The following TNRC6B variants were observed in gnomAD, a reference collection of about 807,000 sequenced individuals.
TNRC6B encodes the protein trinucleotide repeat-containing gene 6B protein.
In TNRC6B, 52 loss-of-function variants were observed where a neutral mutation model predicts 203.6. The ratio of observed to expected loss-of-function variants is 0.26; its 90% CI spans 0.20 to 0.32. The LOEUF (loss-of-function observed/expected upper bound fraction) is 0.32, where lower values mean the gene tolerates loss of function less well. Among genes scored for constraint, TNRC6B ranks in the 10% least tolerant of loss-of-function variants. The probability of loss-of-function intolerance (pLI) is 1.00; values close to 1 mark genes in which losing one functional copy is unlikely to be tolerated. For synonymous variants in TNRC6B, 838 were observed against 845.7 expected, an observed-to-expected ratio of 0.99 and a Z score of 0.16; for missense variants, 1,923 against 2,286.2, an observed-to-expected ratio of 0.84 and a Z score of 3.24.
chr22:40,125,421 C>T (rs1446463316), intron 2 of TNRC6B, among the ~76,000 whole-genome samples: 3 of 152,202 alleles, frequency 2.0e-5, no homozygotes, highest in South Asian at 4.1e-4. Flanking sequence ...CCGCTTTGCT[C>T]ACTGCCATAC....
chr22:40,267,029 G>A lies in TNRC6B; in HGVS notation c.2799G>A (p.Ser933=), dbSNP rs370812692. The A allele has an allele frequency of 4.1e-5, 65 of 1,592,086 alleles. No individual in the cohort carries two copies. Among genetic ancestry groups the A allele is most frequent in the South Asian group, 1.8e-4 (16 of 87,918 alleles). The change falls in exon 5 of 23, where the codon TCG becomes TCA. Residue 933 remains serine (S), a synonymous_variant. Transcript: ENST00000454349. ...TGCCCACCCCAATGACCAGTAAATCGGCATCAGGTAAGCAGTGGCTTTCTC... is the reference window on the plus strand; with the variant it reads ...TGCCCACCCCAATGACCAGTAAATCAGCATCAGGTAAGCAGTGGCTTTCTC... ...PNLPTPMTSK[S]ASVWSKSTPP... is the part of the protein sequence containing the mutation.
rs895703833 is a variant in TNRC6B at position 40,333,355 on chromosome 22, A to G, written c.*10114A>G. On this transcript the variant is annotated 3_prime_UTR_variant, in exon 23 of 23. Coordinates refer to ENST00000454349, the MANE Select transcript of TNRC6B (RefSeq NM_001162501.2). ...TCGACTCAAAAACATAAAATAAACA[A>G]AAGACACACACACACACAAAAACCC... The G allele has an allele frequency of 5.2e-5, 8 of 152,508 alleles. No individual in the cohort carries two copies. The highest frequency in any genetic ancestry group is 1.9e-4 in the African/African-American group (8 of 41,364). The allele number at this position is 152,508 out of a possible 1,614,324, so 9.4% of individuals were successfully genotyped here.
At chr22:40,152,542 A>T (rs374699330) in intron 3 of TNRC6B, among the ~76,000 whole-genome samples, 1 of 152,028 alleles carries the variant, frequency 6.6e-6, no homozygotes, top group Non-Finnish European at 1.5e-5. Flanking sequence ...GTTAGCCAGG[A>T]TGGTCTCGAT....
chr22:40,098,384 C>CA (rs1056495905), intron 1 of TNRC6B, among the ~76,000 whole-genome samples: 3,761 of 49,114 alleles, frequency 0.077, 191 homozygotes, highest in East Asian at 0.18. Context: ...GACTCCGTCT[C>CA]AAAAAAAAAA....
At chr22:40,048,442 G>A (rs763978136) in intron 1 of TNRC6B, among the ~76,000 whole-genome samples, 3 of 151,792 alleles carry the variant, frequency 2.0e-5, no homozygotes, top group Non-Finnish European at 4.4e-5. Context: ...TCGGGAGCCT[G>A]ACGCAGGAGA....
chr22:40,073,285 C>G (rs1450867178), intron 1 of TNRC6B, among the ~76,000 whole-genome samples: 2 of 151,526 alleles, frequency 1.3e-5, no homozygotes, highest in African/African-American at 2.4e-5. Flanking sequence ...TAATATAGAA[C>G]ACGTTTTTTG....
intron 3 of TNRC6B, 34 bp from the exon 4 acceptor site, chr22:40,261,798 T>C (rs754745336): frequency 1.4e-5 from 20 of 1,446,386 alleles, no homozygotes; most frequent in Admixed American, 8.9e-5. Flanking sequence ...ATTTGATGTA[T>C]TTCAAAGACT....
chr22:40,208,144 GAAAA>G, intron 1 of TNRC6B, among the ~76,000 whole-genome samples: 1 of 140,900 alleles, frequency 7.1e-6, no homozygotes, highest in South Asian at 2.3e-4. Context: ...AAAAAAACAA[GAAAA>G]AAACAAGTTT....
At chr22:40,064,467 T>C (rs2067878712) in intron 1 of TNRC6B, among the ~76,000 whole-genome samples, 2 of 152,152 alleles carry the variant, frequency 1.3e-5, no homozygotes, top group South Asian at 4.1e-4. Context: ...GTATTGAATT[T>C]TGTTAAATGC....
Position 40,251,164 on chromosome 22 carries a change from C to A in TNRC6B, c.94-15C>A. Reference sequence around the variant, plus strand: ...AAAAGCAAATCTCATTTACTTTTATCTGTTTATTTTGCAGGTCACGGAACA... The same window carrying A: ...AAAAGCAAATCTCATTTACTTTTATATGTTTATTTTGCAGGTCACGGAACA... On this transcript the variant is annotated splice_polypyrimidine_tract_variant and intron_variant, in intron 2 of 22. Transcript: ENST00000454349. 6.5e-7 allele frequency: 1 copy of A among 1,531,862 alleles called. No individual in the cohort carries two copies. The highest frequency in any genetic ancestry group is 2.5e-5 in the East Asian group (1 of 40,636). The allele number at this position is 1,531,862 out of a possible 1,614,324, so 94.9% of individuals were successfully genotyped here.
intron 16 of TNRC6B, among the ~76,000 whole-genome samples, chr22:40,309,094 T>C (rs1359614557): frequency 6.6e-6 from 1 of 152,272 alleles, no homozygotes; most frequent in Non-Finnish European, 1.5e-5. Context: ...ATTTGAACTT[T>C]TCACAAAGCT....
At chr22:40,157,099 A>C (rs925079458) in intron 4 of TNRC6B, among the ~76,000 whole-genome samples, 2 of 152,124 alleles carry the variant, frequency 1.3e-5, no homozygotes, top group South Asian at 2.1e-4. Context: ...TTAAACCTGA[A>C]GTTGGGAGTC....
At chr22:40,195,809 G>A (rs887984981) in intron 1 of TNRC6B, among the ~76,000 whole-genome samples, 1 of 150,970 alleles carries the variant, frequency 6.6e-6, no homozygotes, top group Non-Finnish European at 1.5e-5. Context: ...TCGCTCTGTC[G>A]CCCAGGCTGG....
chr22:40,235,505 A>T (rs1400523175), intron 1 of TNRC6B, among the ~76,000 whole-genome samples: 73 of 152,174 alleles, frequency 4.8e-4, no homozygotes, highest in Admixed American at 4.8e-3. Flanking sequence ...CATGCACCTT[A>T]TTGGCATAGC....
chr22:40,115,422 G>A (rs777261378), intron 1 of TNRC6B, among the ~76,000 whole-genome samples: 10 of 152,200 alleles, frequency 6.6e-5, no homozygotes, highest in Non-Finnish European at 1.3e-4. Context: ...TTCTCTGTAA[G>A]GGCCAGACCC....
chr22:40,089,516 A>AG (rs942894373), intron 1 of TNRC6B, among the ~76,000 whole-genome samples: 10 of 152,188 alleles, frequency 6.6e-5, no homozygotes, highest in African/African-American at 2.4e-4. Context: ...TACAGGCGTG[A>AG]GCCACTGCGC....
chr22:40,058,832 A>G (rs1168849747), intron 1 of TNRC6B, among the ~76,000 whole-genome samples: 1 of 151,796 alleles, frequency 6.6e-6, no homozygotes, highest in East Asian at 1.9e-4. Context: ...TTGGACTTTG[A>G]CCTTCTCATT....
At chr22:40,250,501 T>C (rs1175757742) in intron 2 of TNRC6B, among the ~76,000 whole-genome samples, 1 of 152,122 alleles carries the variant, frequency 6.6e-6, no homozygotes, top group Non-Finnish European at 1.5e-5. Flanking sequence ...TTGTCCAAAA[T>C]TTACATATTT....
chr22:40,092,227 AC>A (rs2146297939), intron 1 of TNRC6B, among the ~76,000 whole-genome samples: 2 of 151,950 alleles, frequency 1.3e-5, no homozygotes, highest in South Asian at 4.2e-4. Flanking sequence ...ACATGGAGAA[AC>A]CCCATCTCTA....
Sources: gnomAD v4.1 joint callset for allele counts (sites outside exome capture counted in the v4.1 genomes callset) on GRCh38, gnomAD v4.1.1 for gene constraint, MANE v1.5 for transcripts, NCBI Gene and HGNC (gene_info 2026-07-23, HGNC 2026-07-21) for gene names.